The following ANK1 variants were observed in gnomAD, a reference collection of about 807,000 sequenced individuals.
ANK1 encodes the protein ankyrin 1.
Under a neutral mutation model 210.4 loss-of-function variants are expected in ANK1, and 51 were observed. The ratio of observed to expected loss-of-function variants is 0.24; its 90% CI spans 0.19 to 0.31. The LOEUF (loss-of-function observed/expected upper bound fraction) is 0.31. ANK1 is among the 10% of genes least tolerant of loss of function. The probability of loss-of-function intolerance (pLI) is 1.00; values close to 1 mark genes in which losing one functional copy is unlikely to be tolerated. For synonymous variants in ANK1, 967 were observed against 1,025.9 expected, an observed-to-expected ratio of 0.94 and a Z score of 1.10; for missense variants, 2,051 against 2,504.4, an observed-to-expected ratio of 0.82 and a Z score of 3.86.
intron 1 of ANK1, among the ~76,000 whole-genome samples, chr8:41,805,594 A>G (rs1467614407): frequency 2.0e-5 from 3 of 152,130 alleles, no homozygotes; most frequent in Non-Finnish European, 4.4e-5. Flanking sequence ...AATATTTACT[A>G]TATCAGAAAT....
chr8:41,723,732 C>A (rs1829914284), intron 7 of ANK1, 99 bp from the exon 8 acceptor site: 2 of 931,308 alleles, frequency 2.1e-6, no homozygotes, highest in Non-Finnish European at 3.4e-6. Context: ...AGTCCCCAGG[C>A]CTGCAACAGC....
At chr8:41,791,851 A>C (rs1847801748) in intron 1 of ANK1, among the ~76,000 whole-genome samples, 1 of 152,082 alleles carries the variant, frequency 6.6e-6, no homozygotes, top group East Asian at 1.9e-4. Flanking sequence ...TCCAGACACC[A>C]TGGGGGGCCC....
chr8:41,788,588 C>T (rs139699780), intron 1 of ANK1, among the ~76,000 whole-genome samples: 75 of 152,282 alleles, frequency 4.9e-4, no homozygotes, highest in South Asian at 1.0e-3. Flanking sequence ...TTTTATGTGG[C>T]CACTGTAAGC....
At chr8:41,821,413 A>C (rs1284518905) in intron 1 of ANK1, among the ~76,000 whole-genome samples, 2 of 152,126 alleles carry the variant, frequency 1.3e-5, no homozygotes, top group African/African-American at 4.8e-5. Context: ...TCCTTTATTA[A>C]AAAGAAAGCT....
In ANK1 at chr8:41,655,760, GAC is replaced by G. The variant is rs960822883; in HGVS notation, c.*37-9_*37-8del. 2 of 1,614,006 alleles carry G rather than the reference GAC, an allele frequency of 1.2e-6. No individual in the cohort carries two copies. The highest frequency in any genetic ancestry group is 2.7e-5 in the African/African-American group (2 of 75,034). On this transcript the variant is annotated splice_region_variant and splice_polypyrimidine_tract_variant and intron_variant, in intron 42 of 42. Coordinates refer to ENST00000289734, the MANE Select transcript of ANK1 (RefSeq NM_000037.4). ...TGGGTGTCGAGGTGTGATCCTGGGA[GAC>G]ACAAAGAGAGAAGGAGTCACTTAGA...
At chr8:41,797,897 A>G (rs1849106344), upstream of ANK1, among the ~76,000 whole-genome samples, 1 of 151,896 alleles carries the variant, frequency 6.6e-6, no homozygotes, top group Non-Finnish European at 1.5e-5. The surrounding 1 kb of genome is among the most constrained non-coding windows in gnomAD (Gnocchi z 4.0). Flanking sequence ...CTGAGAGGGT[A>G]GTAAATGAAA....
chr8:41,779,316 T>C (rs955425617), intron 1 of ANK1, among the ~76,000 whole-genome samples: 2 of 152,106 alleles, frequency 1.3e-5, no homozygotes, highest in Non-Finnish European at 2.9e-5. Context: ...GGCACAATCA[T>C]AGCTCACTGC....
chr8:41,772,648 A>C (rs1453842449), intron 1 of ANK1, among the ~76,000 whole-genome samples: 2 of 152,210 alleles, frequency 1.3e-5, no homozygotes, highest in Non-Finnish European at 2.9e-5. Context: ...CACCCTTTTC[A>C]ATGCCCATAT....
intron 1 of ANK1, among the ~76,000 whole-genome samples, chr8:41,876,798 T>C (rs751596301): frequency 2.4e-4 from 36 of 152,222 alleles, no homozygotes; most frequent in Non-Finnish European, 4.6e-4. Flanking sequence ...TTTTAACTTT[T>C]TGGAGCAGTT....
Position 41,828,054 on chromosome 8 carries a change from T to C in ANK1, c.126+68301A>G, listed in dbSNP as rs1199770890. 2.7e-5 allele frequency: 4 copies of C among 145,850 alleles called. No individual in the cohort carries two copies. In the East Asian group the frequency reaches 8.2e-4, roughly 30 times the overall value. 9.0% of individuals were successfully genotyped at this position (145,850 alleles called of 1,614,324 possible). A position where few individuals can be genotyped will look rare whatever the true frequency, so the allele number is the denominator to read the frequency against. The stretch of plus-strand genomic sequence containing the variant: ...TTGCAACTCTCCTATTAAAACAGAC[T>C]AAGATCATTCAGGGTTCAGCCCCGC... On this transcript the variant is annotated intron_variant, in intron 1 of 42. Transcript: ENST00000265709.
chr8:41,748,709 G>A (rs111999410), intron 2 of ANK1, among the ~76,000 whole-genome samples: 3,497 of 152,288 alleles, frequency 0.023, 119 homozygotes, highest in African/African-American at 0.079. Flanking sequence ...TTGACTGGCT[G>A]GCTCTTGGAA....
intron 1 of ANK1, among the ~76,000 whole-genome samples, chr8:41,814,268 G>A (rs190679991): frequency 9.9e-5 from 15 of 151,796 alleles, no homozygotes; most frequent in Non-Finnish European, 2.1e-4. Flanking sequence ...GCTGAGGCAG[G>A]AGAATGGCGT....
intron 29 of ANK1, 122 bp from the exon 30 acceptor site, chr8:41,693,323 C>A: frequency 1.2e-6 from 1 of 839,838 alleles, no homozygotes; most frequent in Non-Finnish European, 2.0e-6. Context: ...GTCTGCAGCC[C>A]TGGGCACCCT....
intron 1 of ANK1, among the ~76,000 whole-genome samples, chr8:41,852,363 A>G (rs1811415146): frequency 6.6e-6 from 1 of 152,222 alleles, no homozygotes; most frequent in Non-Finnish European, 1.5e-5. Flanking sequence ...TGTGAAAACT[A>G]GGAGGCCCCT....
intron 1 of ANK1, among the ~76,000 whole-genome samples, chr8:41,860,255 T>C (rs999624149): frequency 6.6e-6 from 1 of 152,198 alleles, no homozygotes; most frequent in African/African-American, 2.4e-5. Flanking sequence ...TCCCCCACGC[T>C]GGACAGTCCT....
intron 1 of ANK1, among the ~76,000 whole-genome samples, chr8:41,762,763 A>C (rs954588960): frequency 5.3e-5 from 8 of 152,260 alleles, no homozygotes; most frequent in Non-Finnish European, 1.2e-4. Context: ...CCCCAAGAAT[A>C]AGAATGTTAA....
At chr8:41,872,636 A>G (rs563951310) in intron 1 of ANK1, among the ~76,000 whole-genome samples, 1 of 152,318 alleles carries the variant, frequency 6.6e-6, no homozygotes, top group South Asian at 2.1e-4. Context: ...CTTCCCTAGG[A>G]TGTGCCCCAA....
chr8:41,830,756 C>T (rs1470714942), intron 1 of ANK1, among the ~76,000 whole-genome samples: 2 of 152,136 alleles, frequency 1.3e-5, no homozygotes, highest in Non-Finnish European at 1.5e-5. Flanking sequence ...AGTTCTGTGT[C>T]GGTTCTGCTT....
At chr8:41,776,666 A>T (rs533869950) in intron 1 of ANK1, among the ~76,000 whole-genome samples, 1 of 152,198 alleles carries the variant, frequency 6.6e-6, no homozygotes, top group Non-Finnish European at 1.5e-5. Context: ...TCCACTGGCT[A>T]AATGCTGACT....
Sources: gnomAD v4.1 joint callset for allele counts (sites outside exome capture counted in the v4.1 genomes callset) on GRCh38, gnomAD v4.1.1 for gene constraint, Gnocchi (gnomAD v3.1) non-coding constraint, MANE v1.5 for transcripts, NCBI Gene and HGNC (gene_info 2026-07-23, HGNC 2026-07-21) for gene names.